Variants in ZNF474 observed in about 807,000 individuals in gnomAD.
ZNF474 encodes 4933409D10Rik.
For synonymous variants in ZNF474, 192 were observed against 162.2 expected, an observed-to-expected ratio of 1.18 and a Z score of -1.39; for missense variants, 511 against 433.8, an observed-to-expected ratio of 1.18 and a Z score of -1.58.
At chr5:122,131,909 T>A (rs1755586877) in intron 1 of ZNF474, among the ~76,000 whole-genome samples, 1 of 152,080 alleles carries the variant, frequency 6.6e-6, no homozygotes, top group Non-Finnish European at 1.5e-5. Context: ...AGTACAAAAT[T>A]TGATGAGTTT....
chr5:122,141,279 T>A (rs1262151313), intron 1 of ZNF474, among the ~76,000 whole-genome samples: 1 of 147,424 alleles, frequency 6.8e-6, no homozygotes, highest in Non-Finnish European at 1.5e-5. Flanking sequence ...GACACCCGAG[T>A]AGCTGGGATT....
chr5:122,144,229 A>G, intron 1 of ZNF474, among the ~76,000 whole-genome samples: 1 of 152,190 alleles, frequency 6.6e-6, no homozygotes, highest in East Asian at 1.9e-4. Context: ...AATATGTTGT[A>G]TTTATAACAA....
Position 122,153,017 on chromosome 5 carries a change from G to A in ZNF474, c.1027G>A (p.Val343Ile), listed in dbSNP as rs778268020. Residue 343 changes from valine to isoleucine, a missense_variant, in exon 2 of 2, where the codon GTA becomes ATA. Val to Ile is a conservative substitution (Grantham distance 29). Coordinates refer to ENST00000296600, the MANE Select transcript of ZNF474 (RefSeq NM_207317.3). ...GCAAAGGAACAGGGCAGCACCCAGT[G>A]TAACTGATAAGGTAATTCATGCCAC... Reference protein sequence around the residue: ...KQQRNRAAPSVTDKVIHATQD... With the variant: ...KQQRNRAAPSITDKVIHATQD... 11 of 1,614,166 alleles carry A rather than the reference G, an allele frequency of 6.8e-6. No individual in the cohort carries two copies. The highest frequency in any genetic ancestry group is 7.6e-6 in the Non-Finnish European group (9 of 1,180,042).
In ZNF474 at chr5:122,152,156, A is replaced by G. The variant is rs777650163; in HGVS notation, c.166A>G (p.Thr56Ala). ...TGTTAATCCTGGTGAAAATATAAAG[A>G]CAGACACTCAGAAAAAGAGACCTGG... ...ESVNPGENIK[T>A]DTQKKRPGTV... The change falls in exon 2 of 2, where the codon ACA becomes GCA. Residue 56 changes from threonine (T) to alanine (A), a missense_variant. Transcript: ENST00000296600. 3 of 1,614,036 alleles carry G rather than the reference A, an allele frequency of 1.9e-6. No homozygotes were observed. The East Asian group carries it at 6.7e-5, about 36-fold the overall frequency.
At chr5:122,135,890 C>G (rs1482980784) in intron 1 of ZNF474, among the ~76,000 whole-genome samples, 1 of 151,238 alleles carries the variant, frequency 6.6e-6, no homozygotes, top group Non-Finnish European at 1.5e-5. Context: ...AAGCTAAGCA[C>G]AGAAGGACAG....
At chr5:122,132,437 T>A (rs1037471530) in intron 1 of ZNF474, among the ~76,000 whole-genome samples, 4 of 152,098 alleles carry the variant, frequency 2.6e-5, no homozygotes, top group Non-Finnish European at 5.9e-5. Context: ...TTGCAAACAG[T>A]TCTTCCCAAT....
intron 1 of ZNF474, among the ~76,000 whole-genome samples, chr5:122,146,457 A>G (rs1478510088): frequency 2.0e-5 from 3 of 152,172 alleles, no homozygotes; most frequent in Non-Finnish European, 4.4e-5. Flanking sequence ...TCAATTTTTT[A>G]AATTTCTGAT....
rs762311081 is a variant in ZNF474, at chr5:122,152,855, C to T, written c.865C>T (p.His289Tyr). 1.1e-5 allele frequency: 17 copies of T among 1,614,180 alleles called. No individual in the cohort carries two copies. The highest frequency in any genetic ancestry group is 1.4e-5 in the Non-Finnish European group (16 of 1,180,042). ...TCAAGCTCAGCTTGTGTTCTGCCCA[C>T]ATTGTAGCCGAATCTTTACCTCAGA... ...PNQAQLVFCPHCSRIFTSDRL... is the reference protein window; with the variant it reads ...PNQAQLVFCPYCSRIFTSDRL... Residue 289 changes from histidine (H) to tyrosine (Y), a missense_variant, in exon 2 of 2, where the codon CAT becomes TAT. Physicochemically the swap from His to Tyr is moderately conservative, Grantham distance 83 (BLOSUM62 2). Transcript: ENST00000296600.
intron 1 of ZNF474, among the ~76,000 whole-genome samples, chr5:122,149,440 G>A (rs1756103531): frequency 6.6e-6 from 1 of 152,114 alleles, no homozygotes; most frequent in Admixed American, 6.5e-5. Context: ...TCTTCTAAAA[G>A]GAAGCATAAC....
chr5:122,141,871 C>A (rs1009549482), intron 1 of ZNF474, among the ~76,000 whole-genome samples: 1 of 152,188 alleles, frequency 6.6e-6, no homozygotes, highest in Non-Finnish European at 1.5e-5. Context: ...GGCCCTTTCA[C>A]ACTTGAAATT....
chr5:122,150,525 G>T (rs1343039275), intron 1 of ZNF474, among the ~76,000 whole-genome samples: 3 of 152,128 alleles, frequency 2.0e-5, no homozygotes, highest in Non-Finnish European at 2.9e-5. Context: ...TGAAGTGTTT[G>T]CCGTGATGTA....
chr5:122,142,291 C>T (rs1755864964), intron 1 of ZNF474, among the ~76,000 whole-genome samples: 1 of 152,194 alleles, frequency 6.6e-6, no homozygotes, highest in Non-Finnish European at 1.5e-5. Flanking sequence ...ACATCAGCAT[C>T]CACAAAGTTG....
rs568017885 is a variant in ZNF474, at chr5:122,152,405, C to G, written c.415C>G (p.Pro139Ala). The G allele has an allele frequency of 5.6e-6, 9 of 1,614,194 alleles. No individual in the cohort carries two copies. The South Asian group carries it at 8.8e-5, about 16-fold the overall frequency. Residue 139 changes from proline to alanine, a missense_variant, in exon 2 of 2, where the codon CCA becomes GCA. Coordinates refer to ENST00000296600, the MANE Select transcript of ZNF474 (RefSeq NM_207317.3). ...KHLRRPEPSK[P>A]QSLSSSGSYS... ...TTTGAGGAGGCCAGAACCCTCCAAA[C>G]CACAGTCTCTCAGCAGCAGTGGGTC...
chr5:122,136,887 A>T (rs1047530408), intron 1 of ZNF474, among the ~76,000 whole-genome samples: 5 of 152,192 alleles, frequency 3.3e-5, no homozygotes, highest in Admixed American at 2.6e-4. Flanking sequence ...GTCAACATTA[A>T]ATTTATTTTG....
rs187979854 is a variant in ZNF474, at chr5:122,137,636, G to A, written c.-213+7953G>A. On this transcript the variant is annotated intron_variant, in intron 1 of 1. Coordinates refer to ENST00000296600, the MANE Select transcript of ZNF474 (RefSeq NM_207317.3). ...TCCCCCAGTCTACCCCAAAGTAAGAGAGAGTTTGACTTGCCTGAGGAACTG... is the reference window on the plus strand; with the variant it reads ...TCCCCCAGTCTACCCCAAAGTAAGAAAGAGTTTGACTTGCCTGAGGAACTG... 3.3e-3 allele frequency among the ~76,000 whole-genome samples: 501 copies of A among 152,114 alleles called. 3 individuals are homozygous for A. Among genetic ancestry groups the A allele is most frequent in the African/African-American group, 0.011 (470 of 41,496 alleles).
chr5:122,151,443 G>A (rs1285912728), intron 1 of ZNF474, among the ~76,000 whole-genome samples: 2 of 151,922 alleles, frequency 1.3e-5, no homozygotes, highest in African/African-American at 4.8e-5. Context: ...TCTCTTCTAT[G>A]GTCTCACCAC....
At chr5:122,145,046 A>G (rs759483524) in intron 1 of ZNF474, among the ~76,000 whole-genome samples, 1 of 152,208 alleles carries the variant, frequency 6.6e-6, no homozygotes, top group African/African-American at 2.4e-5. Context: ...CAAAGAGTGC[A>G]TTTCTCTCAC....
At chr5:122,150,271 T>C (rs538241850) in intron 1 of ZNF474, among the ~76,000 whole-genome samples, 2 of 152,320 alleles carry the variant, frequency 1.3e-5, no homozygotes, top group South Asian at 4.1e-4. Flanking sequence ...CTGGCCACTC[T>C]GGGGCCAACA....
chr5:122,142,895 C>G (rs1252563005), intron 1 of ZNF474, among the ~76,000 whole-genome samples: 1 of 152,130 alleles, frequency 6.6e-6, no homozygotes, highest in Non-Finnish European at 1.5e-5. Context: ...GCGAGCATAT[C>G]AGAAAATAGA....
Sources: gnomAD v4.1 joint callset for allele counts (sites outside exome capture counted in the v4.1 genomes callset) on GRCh38, gnomAD v4.1.1 for gene constraint, MANE v1.5 for transcripts, NCBI Gene and HGNC (gene_info 2026-07-23, HGNC 2026-07-21) for gene names.